RPTOR: variants seen among roughly 807,000 people sequenced by gnomAD.
RPTOR encodes regulatory associated protein of MTOR complex 1, also known as regulatory-associated protein of mTOR.
In RPTOR, 21 loss-of-function variants were observed where a neutral mutation model predicts 169.9. The ratio of observed to expected loss-of-function variants is 0.12; its 90% CI spans 0.09 to 0.18. The LOEUF is 0.18. Ranked by LOEUF, RPTOR falls within the 10% of genes least tolerant of loss-of-function variation. RPTOR has a pLI of 1.00. For synonymous variants in RPTOR, 732 were observed against 753.2 expected (o/e 0.97, Z 0.46); for missense variants, 1,133 against 1,855.9 (o/e 0.61, Z 7.16).
At position 80,609,774 on chromosome 17, in the gene RPTOR, TGTG is replaced by T. The variant is rs869215306; in HGVS notation, c.163-15916_163-15914del. ...AAAAAAAAAAGTTTAAGGTGTTGGTTGTGTGTGTGTGTGTGTGTGTGTGTGTGT... is the reference window on the plus strand; with the variant it reads ...AAAAAAAAAAGTTTAAGGTGTTGGTTTGTGTGTGTGTGTGTGTGTGTGTGT... On this transcript the variant is annotated intron_variant, in intron 1 of 33. Coordinates refer to ENST00000306801, the MANE Select transcript of RPTOR (RefSeq NM_020761.3). The surrounding 1 kb of genome is among the most constrained non-coding windows in gnomAD (Gnocchi z 4.8). Among the ~76,000 whole-genome samples the T allele has an allele frequency of 2.2e-5, 1 of 45,546 alleles. No individual in the cohort carries two copies. The highest frequency in any genetic ancestry group is 4.9e-5 in the Non-Finnish European group (1 of 20,412). The allele number at this position is 45,546 out of a possible 152,430, so 29.9% of individuals were successfully genotyped here.
intron 13 of RPTOR, among the ~76,000 whole-genome samples, chr17:80,875,245 C>T (rs1008791548): frequency 9.2e-5 from 14 of 152,212 alleles, no homozygotes; most frequent in Admixed American, 7.8e-4. Context: ...TTGTAGAAGG[C>T]AGGGCCTTGG....
At chr17:80,735,569 A>G (rs894260974) in intron 5 of RPTOR, among the ~76,000 whole-genome samples, 4 of 152,202 alleles carry the variant, frequency 2.6e-5, no homozygotes, top group African/African-American at 7.2e-5. Flanking sequence ...TCTAGAGGAT[A>G]TTTCTCAAGG....
intron 23 of RPTOR, among the ~76,000 whole-genome samples, 192 bp from the exon 24 acceptor site, chr17:80,925,178 C>A (rs1177022744): frequency 6.6e-6 from 1 of 152,206 alleles, no homozygotes; most frequent in Non-Finnish European, 1.5e-5. Flanking sequence ...CCCCTCAATC[C>A]CTGGCCAGAC....
At chr17:80,775,740 A>G (rs1043492764) in intron 6 of RPTOR, among the ~76,000 whole-genome samples, 2 of 152,220 alleles carry the variant, frequency 1.3e-5, no homozygotes, top group Non-Finnish European at 2.9e-5. Context: ...TATTGCACAA[A>G]TAATATTATA....
rs553206111 is a variant in RPTOR, at chr17:80,691,297, G to C, written c.349-16544G>C. Among the ~76,000 whole-genome samples the C allele has an allele frequency of 8.2e-5, 9 of 110,242 alleles. No individual in the cohort carries two copies. The South Asian group carries it at 2.0e-3, about 24-fold the overall frequency. The allele number at this position is 110,242 out of a possible 152,430, so 72.3% of individuals were successfully genotyped here. A position where few individuals can be genotyped will look rare whatever the true frequency, so the allele number is the denominator to read the frequency against. On this transcript the variant is annotated intron_variant, in intron 3 of 33. Transcript: ENST00000306801. Reference sequence around the variant, plus strand: ...TGTGATATGTGTGTGTGCATGTCGTGTGTGTGTGCATGCACGTGTGTGCAT... The same window carrying C: ...TGTGATATGTGTGTGTGCATGTCGTCTGTGTGTGCATGCACGTGTGTGCAT...
intron 2 of RPTOR, among the ~76,000 whole-genome samples, chr17:80,629,772 T>C (rs1050630644): frequency 1.3e-5 from 2 of 150,506 alleles, no homozygotes; most frequent in Non-Finnish European, 3.0e-5. Flanking sequence ...TGTTGGACAT[T>C]GTACCGCAGC....
In RPTOR at chr17:80,966,209, A is replaced by T. The variant is rs1598431553; in HGVS notation, c.*1879A>T. 2.3e-5 allele frequency: 5 copies of T among 221,704 alleles called. No individual in the cohort carries two copies. Among genetic ancestry groups the T allele is most frequent in the Admixed American group, 1.2e-4 (2 of 16,132 alleles). 13.7% of individuals were successfully genotyped at this position (221,704 alleles called of 1,614,324 possible). ...GCTGTCTTCACAGGTCTGATGTGAAAATTCAATCACGACGTTAACCGGCTC... is the reference window on the plus strand; with the variant it reads ...GCTGTCTTCACAGGTCTGATGTGAATATTCAATCACGACGTTAACCGGCTC... On this transcript the variant is annotated 3_prime_UTR_variant, in exon 34 of 34. Coordinates refer to ENST00000306801, the MANE Select transcript of RPTOR (RefSeq NM_020761.3).
At chr17:80,872,524 A>G (rs1189668135) in intron 13 of RPTOR, among the ~76,000 whole-genome samples, 1 of 152,210 alleles carries the variant, frequency 6.6e-6, no homozygotes, top group East Asian at 1.9e-4. Flanking sequence ...GCTAGGTGAC[A>G]TGCACATTGG....
intron 20 of RPTOR, among the ~76,000 whole-genome samples, chr17:80,898,829 C>T (rs927915166): frequency 6.6e-6 from 1 of 151,632 alleles, no homozygotes; most frequent in African/African-American, 2.4e-5. Flanking sequence ...TTTCTTTCTA[C>T]TTCCATTGTG....
At chr17:80,584,904 C>T (rs1020179236) in intron 1 of RPTOR, among the ~76,000 whole-genome samples, 4 of 152,098 alleles carry the variant, frequency 2.6e-5, no homozygotes, top group African/African-American at 7.2e-5. Context: ...CAAGATGTTA[C>T]CAGAACTCAA....
At chr17:80,906,435 G>A (rs911637497) in intron 20 of RPTOR, among the ~76,000 whole-genome samples, 1 of 152,220 alleles carries the variant, frequency 6.6e-6, no homozygotes, top group Non-Finnish European at 1.5e-5. Flanking sequence ...ACGCGGTGCA[G>A]GACCACGGTT....
At chr17:80,931,519 A>G (rs2068897109) in intron 24 of RPTOR, among the ~76,000 whole-genome samples, 1 of 152,194 alleles carries the variant, frequency 6.6e-6, no homozygotes, top group African/African-American at 2.4e-5. Context: ...ACACGAGAAG[A>G]GCCCCTCAGA....
At chr17:80,853,989 A>G (rs2067825036) in intron 11 of RPTOR, among the ~76,000 whole-genome samples, 1 of 152,186 alleles carries the variant, frequency 6.6e-6, no homozygotes, top group Non-Finnish European at 1.5e-5. Flanking sequence ...TCAAAAAAAA[A>G]AAAAAGTGTA....
At chr17:80,841,636 ACT>A (rs1341092911) in intron 10 of RPTOR, among the ~76,000 whole-genome samples, 2 of 90,404 alleles carry the variant, frequency 2.2e-5, no homozygotes, top group Admixed American at 2.6e-4. Flanking sequence ...GGCAGCTGAC[ACT>A]CACCACACGG....
intron 1 of RPTOR, among the ~76,000 whole-genome samples, chr17:80,569,566 C>T (rs144932627): frequency 1.6e-4 from 24 of 152,150 alleles, no homozygotes; most frequent in African/African-American, 5.1e-4. Flanking sequence ...TAAATAAAAG[C>T]AGGTCTAGGT....
At chr17:80,584,118 C>G (rs959304613) in intron 1 of RPTOR, among the ~76,000 whole-genome samples, 2 of 152,164 alleles carry the variant, frequency 1.3e-5, no homozygotes, top group African/African-American at 4.8e-5. Flanking sequence ...TGAGCCAGGC[C>G]GAGGAGACCC....
At chr17:80,600,940 C>T (rs922639107) in intron 1 of RPTOR, among the ~76,000 whole-genome samples, 1 of 143,822 alleles carries the variant, frequency 7.0e-6, no homozygotes, top group Non-Finnish European at 1.5e-5. Flanking sequence ...CGTGCCCTCT[C>T]TGCAGTGTAA....
rs574630250 is a variant in RPTOR at position 80,824,280 on chromosome 17, A to G, written c.1136+1057A>G. Among the ~76,000 whole-genome samples, 6 of 152,372 alleles carry G rather than the reference A, an allele frequency of 3.9e-5. No individual in the cohort carries two copies. In the South Asian group the frequency reaches 1.2e-3, roughly 32 times the overall value. On this transcript the variant is annotated intron_variant, in intron 9 of 33. Transcript: ENST00000306801. Reference sequence around the variant, plus strand: ...TGTATCCTTCTTAAGACTCTGTAAGATAAAATAGAGAACCCTGATAAGGAG... The same window carrying G: ...TGTATCCTTCTTAAGACTCTGTAAGGTAAAATAGAGAACCCTGATAAGGAG...
At chr17:80,612,958 G>A (rs982076033) in intron 1 of RPTOR, among the ~76,000 whole-genome samples, 2 of 152,228 alleles carry the variant, frequency 1.3e-5, no homozygotes, top group African/African-American at 4.8e-5. Flanking sequence ...AAGCGTGTAT[G>A]TATAGTTATA....
Sources: allele counts gnomAD v4.1 joint callset (sites outside exome capture counted in the v4.1 genomes callset), GRCh38; gene constraint gnomAD v4.1.1; non-coding constraint Gnocchi (gnomAD v3.1); transcripts MANE v1.5; gene names NCBI Gene and HGNC (gene_info 2026-07-23, HGNC 2026-07-21).